Variants in NCOA2 observed in about 807,000 individuals in gnomAD.
NCOA2 encodes the protein class E basic helix-loop-helix protein 75.
NCOA2 carries 21 observed loss-of-function variants against 145.1 expected under a neutral mutation model. The ratio of observed to expected loss-of-function variants is 0.14; its 90% confidence interval spans 0.10 to 0.21. The LOEUF is 0.21. Among genes scored for constraint, NCOA2 ranks in the 10% least tolerant of loss-of-function variants. The pLI is 1.00. For missense variants in NCOA2, 1,472 were observed against 1,837.6 expected (o/e 0.80, Z 3.64); for synonymous variants, 619 against 637.5 (o/e 0.97, Z 0.44).
chr8:70,223,364 CA>C (rs1287104487), intron 2 of NCOA2, among the ~76,000 whole-genome samples: 2 of 152,172 alleles, frequency 1.3e-5, no homozygotes, highest in Non-Finnish European at 2.9e-5. Context: ...TGTACCTATA[CA>C]AAGAGTGTTT....
At chr8:70,134,093 C>A (rs1459303835) in intron 15 of NCOA2, among the ~76,000 whole-genome samples, 1 of 152,162 alleles carries the variant, frequency 6.6e-6, no homozygotes. Flanking sequence ...CAAAGTCACA[C>A]ATGCTGGGAG....
In NCOA2 at chr8:70,127,036, A is replaced by G. The variant is rs756858694; in HGVS notation, c.3693T>C (p.Asn1231=). 54 of 1,609,286 alleles carry G rather than the reference A, an allele frequency of 3.4e-5. No homozygotes were observed. The highest frequency in any genetic ancestry group is 4.5e-5 in the Non-Finnish European group (53 of 1,177,564). ...RPGVPTQAPI[N]AQMLAQRQRE... ...TCTGTCTCTGGGCCAGCATCTGTGC[A>G]TTAATAGGTGCCTGAAATCCGGGGC... The change falls in exon 19 of 23, where the codon AAT becomes AAC. Residue 1231 remains asparagine, a synonymous_variant. Coordinates refer to ENST00000452400, the MANE Select transcript of NCOA2 (RefSeq NM_006540.4).
intron 2 of NCOA2, among the ~76,000 whole-genome samples, chr8:70,241,261 T>G (rs539433679): frequency 6.6e-6 from 1 of 152,262 alleles, no homozygotes; most frequent in Admixed American, 6.5e-5. Flanking sequence ...TGCAACACAC[T>G]TCTTTCAGAT....
At chr8:70,411,740 T>C in the NCOA2 span, among the ~76,000 whole-genome samples, 2 of 152,164 alleles carry the variant, frequency 1.3e-5, no homozygotes, top group East Asian at 3.8e-4. Flanking sequence ...AAAAGAACAC[T>C]ACTATATGAT....
the NCOA2 span, among the ~76,000 whole-genome samples, chr8:70,413,699 AC>A: frequency 7.2e-5 from 11 of 152,356 alleles, no homozygotes; most frequent in African/African-American, 2.2e-4. Context: ...TAGTTTCTGA[AC>A]TCTAAAATCA....
At chr8:70,126,536 A>G (rs1020563378) in intron 19 of NCOA2, 2 of 465,540 alleles carry the variant, frequency 4.3e-6, no homozygotes, top group Middle Eastern at 1.1e-3. Flanking sequence ...CAAGATAGAC[A>G]CAGTCTATGC....
intron 2 of NCOA2, among the ~76,000 whole-genome samples, chr8:70,262,926 TTAA>T (rs1824258903): frequency 6.6e-6 from 1 of 152,048 alleles, no homozygotes; most frequent in Non-Finnish European, 1.5e-5. Flanking sequence ...ACAACAATAG[TTAA>T]TAATAAAATA....
rs1220959195 is a variant in NCOA2, at chr8:70,141,275, A to G, written c.2937T>C (p.Gly979=). 1.2e-6 allele frequency: 2 copies of G among 1,613,676 alleles called. No individual in the cohort carries two copies. Among genetic ancestry groups the G allele is most frequent in the Non-Finnish European group, 1.7e-6 (2 of 1,179,852 alleles). Reference sequence around the variant, plus strand: ...TGCTGGCTGCTGGGTTCCGAATCATACCTCCTTGGACTGGCCGGTTCATGG... The same window carrying G: ...TGCTGGCTGCTGGGTTCCGAATCATGCCTCCTTGGACTGGCCGGTTCATGG... ...TSAMNRPVQG[G]MIRNPAASIP... The change falls in exon 14 of 23, where the codon GGT becomes GGC. Residue 979 remains glycine (G), a synonymous_variant. Transcript: ENST00000452400.
chr8:70,372,028 T>G (rs1043225101), intron 1 of NCOA2, among the ~76,000 whole-genome samples: 1 of 152,172 alleles, frequency 6.6e-6, no homozygotes, highest in African/African-American at 2.4e-5. Context: ...AAAAATGTTA[T>G]TAGGCTAAAA....
At position 70,377,972 on chromosome 8, in the gene NCOA2, T is replaced by C. The variant is rs548994779; in HGVS notation, c.-77+25728A>G. 3.3e-5 allele frequency among the ~76,000 whole-genome samples: 5 copies of C among 152,280 alleles called. No homozygotes were observed. The South Asian group carries it at 1.0e-3, about 32-fold the overall frequency. On this transcript the variant is annotated intron_variant, in intron 1 of 22. Coordinates refer to ENST00000452400, the MANE Select transcript of NCOA2 (RefSeq NM_006540.4). The stretch of plus-strand genomic sequence containing the variant: ...TTCCATAGACTGATACTGGCCTAAT[T>C]ATCAGTGCCAAAATCAGTTTGGGTT...
At chr8:70,364,834 T>C (rs868437031) in intron 1 of NCOA2, among the ~76,000 whole-genome samples, 2 of 151,728 alleles carry the variant, frequency 1.3e-5, no homozygotes, top group Non-Finnish European at 2.9e-5. Flanking sequence ...GGTTTGTTTT[T>C]TTTTTTTTTT....
intron 22 of NCOA2, among the ~76,000 whole-genome samples, chr8:70,116,813 G>A (rs1807188266): frequency 6.6e-6 from 1 of 152,248 alleles, no homozygotes; most frequent in Non-Finnish European, 1.5e-5. Flanking sequence ...GCAGATTCAA[G>A]AGGGGGACTA....
chr8:70,379,745 T>A (rs1812020336), intron 1 of NCOA2, among the ~76,000 whole-genome samples: 1 of 152,090 alleles, frequency 6.6e-6, no homozygotes, highest in Non-Finnish European at 1.5e-5. Flanking sequence ...TTTAAAAATT[T>A]AAAAAATATA....
chr8:70,342,723 A>C (rs577813792), intron 1 of NCOA2, among the ~76,000 whole-genome samples: 2 of 147,868 alleles, frequency 1.4e-5, no homozygotes, highest in African/African-American at 5.0e-5. Flanking sequence ...TTTTTTTTTT[A>C]AAAAGGACTT....
chr8:70,290,082 GC>G (rs2135624078), intron 2 of NCOA2, among the ~76,000 whole-genome samples: 1 of 151,680 alleles, frequency 6.6e-6, no homozygotes, highest in African/African-American at 2.4e-5. Flanking sequence ...CTAGGCCTCA[GC>G]TAAATGCTAC....
intron 22 of NCOA2, 146 bp from the exon 23 acceptor site, chr8:70,113,789 T>C: frequency 3.8e-6 from 3 of 790,834 alleles, no homozygotes; most frequent in Non-Finnish European, 6.3e-6. Context: ...ACATTCGATG[T>C]GGAGGTGAAC....
intron 5 of NCOA2, among the ~76,000 whole-genome samples, chr8:70,172,998 GT>G (rs1814424621): frequency 6.6e-6 from 1 of 152,138 alleles, no homozygotes; most frequent in Non-Finnish European, 1.5e-5. Flanking sequence ...TGTTCTCTCT[GT>G]TTAAGTGATT....
At chr8:70,415,300 GC>G in the NCOA2 span, among the ~76,000 whole-genome samples, 3 of 150,410 alleles carry the variant, frequency 2.0e-5, no homozygotes, top group Non-Finnish European at 4.4e-5. Flanking sequence ...CTGCACTCCA[GC>G]CCGGGTGACA....
chr8:70,239,238 T>C (rs981913831), intron 2 of NCOA2, among the ~76,000 whole-genome samples: 2 of 152,152 alleles, frequency 1.3e-5, no homozygotes, highest in Non-Finnish European at 2.9e-5. Flanking sequence ...AACAGGTCAT[T>C]ACAGGAATTC....
Sources: allele counts gnomAD v4.1 joint callset (sites outside exome capture counted in the v4.1 genomes callset), GRCh38; gene constraint gnomAD v4.1.1; transcripts MANE v1.5; gene names NCBI Gene and HGNC (gene_info 2026-07-23, HGNC 2026-07-21).